GOLGA6L9: variants seen among roughly 807,000 people sequenced by gnomAD.
GOLGA6L9 encodes the protein golgin A6 family like 9.
In GOLGA6L9, 19 loss-of-function variants were observed where a neutral mutation model predicts 51.3. That is an observed-to-expected ratio of 0.37 (90% CI 0.26 to 0.54). The LOEUF (loss-of-function observed/expected upper bound fraction) is 0.54, where lower values mean the gene tolerates loss of function less well. Among genes scored for constraint, GOLGA6L9 ranks in the 20% least tolerant of loss-of-function variants. GOLGA6L9 has a pLI of 0.83. For missense variants in GOLGA6L9, 247 were observed against 464.1 expected, an observed-to-expected ratio of 0.53 and a Z score of 4.30; for synonymous variants, 97 against 184.2, an observed-to-expected ratio of 0.53 and a Z score of 3.83.
chr15:82,434,206 T>G lies in GOLGA6L9; in HGVS notation c.606T>G (p.Arg202=). ...LLNRRQEERL[R]EQEERLREQE... ...ACAGGAGACAGGAGGAGAGGCTACG[T>G]GAACAGGAGGAGAGGCTACGTGAAC... is the stretch of plus-strand genomic sequence containing the variant. The change falls in exon 6 of 9, where the codon CGT becomes CGG. Residue 202 remains arginine, a synonymous_variant. Transcript: ENST00000618348. The G allele has an allele frequency of 6.4e-7, 1 of 1,557,284 alleles. No individual in the cohort carries two copies. The highest frequency in any genetic ancestry group is 8.6e-7 in the Non-Finnish European group (1 of 1,159,456).
At chr15:82,433,322 T>A (rs1292547571) in intron 4 of GOLGA6L9, among the ~76,000 whole-genome samples, 4 of 151,916 alleles carry the variant, frequency 2.6e-5, no homozygotes, top group Admixed American at 6.6e-5. Context: ...AAGTCAGAGA[T>A]TTAAAGGCCC....
Position 82,432,840 on chromosome 15 carries a change from A to T in GOLGA6L9, c.288A>T (p.Val96=), listed in dbSNP as rs1250754490. Residue 96 remains valine, a synonymous_variant, in exon 4 of 9, where the codon GTA becomes GTT. Transcript: ENST00000618348. ...DLESQYQELA[V]ALDSSSAIIS... ...AGAGCCAGTACCAAGAACTAGCAGT[A>T]GCCCTGGATTCAAGCTCCGCAATAA... is the stretch of plus-strand genomic sequence containing the variant. 1.3e-5 allele frequency: 21 copies of T among 1,612,194 alleles called. No homozygotes were observed. The African/African-American group carries it at 2.1e-4, about 16-fold the overall frequency.
At chr15:82,427,463 T>C (rs1281039408), upstream of GOLGA6L9, among the ~76,000 whole-genome samples, 42 of 151,842 alleles carry the variant, frequency 2.8e-4, no homozygotes, top group Non-Finnish European at 2.8e-4. Context: ...CAAAGTCACA[T>C]TTCACTTAAT....
At chr15:82,424,655 A>G in the GOLGA6L9 span, among the ~76,000 whole-genome samples, 1 of 151,756 alleles carries the variant, frequency 6.6e-6, no homozygotes, top group Admixed American at 6.6e-5. Flanking sequence ...TGGAAGTTTT[A>G]GGGAAAACAC....
chr15:82,417,994 A>G, the GOLGA6L9 span, among the ~76,000 whole-genome samples: 1 of 152,198 alleles, frequency 6.6e-6, no homozygotes, highest in Non-Finnish European at 1.5e-5. Context: ...AATTTTTCGG[A>G]GAGTTTTTCT....
At chr15:82,420,111 T>A in the GOLGA6L9 span, 2 of 308,790 alleles carry the variant, frequency 6.5e-6, no homozygotes, top group Non-Finnish European at 1.3e-5. Context: ...AACCATAAGA[T>A]ATATTTTATG....
the GOLGA6L9 span, among the ~76,000 whole-genome samples, chr15:82,418,293 G>C: frequency 6.6e-6 from 1 of 152,200 alleles, no homozygotes; most frequent in East Asian, 1.9e-4. Context: ...GTCTTGGCAA[G>C]TCTTCTGGGG....
chr15:82,416,299 A>C, the GOLGA6L9 span, among the ~76,000 whole-genome samples: 1 of 152,190 alleles, frequency 6.6e-6, no homozygotes, highest in East Asian at 1.9e-4. Context: ...TTGTACTCAA[A>C]CAGTTCTGTG....
At chr15:82,427,477 T>C (rs2031235030), upstream of GOLGA6L9, among the ~76,000 whole-genome samples, 1 of 152,202 alleles carries the variant, frequency 6.6e-6, no homozygotes. Context: ...ACTTAATTTT[T>C]ATCCTGCCAA....
At chr15:82,419,354 T>TG in the GOLGA6L9 span, 1 of 154,472 alleles carries the variant, frequency 6.5e-6, no homozygotes, top group East Asian at 1.9e-4. Context: ...TAGTGTTTTT[T>TG]TTTTTTTTCG....
rs1212780217 is a variant in GOLGA6L9, at chr15:82,437,851, C to CT, written c.*1441dup. On this transcript the variant is annotated 3_prime_UTR_variant, in exon 9 of 9. Transcript: ENST00000618348. ...TGTCAAAGTGTCATGAGGAAAGTGT[C>CT]TATACAATCACAGAGTTATATTTCC... 1.3e-5 allele frequency: 2 copies of CT among 151,192 alleles called. No individual in the cohort carries two copies. Among genetic ancestry groups the CT allele is most frequent in the Non-Finnish European group, 2.9e-5 (2 of 67,810 alleles). The allele number at this position is 151,192 out of a possible 1,614,324, so 9.4% of individuals were successfully genotyped here.
Position 82,429,895 on chromosome 15 carries a change from A to T in GOLGA6L9, c.-185A>T. 1 of 778,716 alleles carries T rather than the reference A, an allele frequency of 1.3e-6. No individual in the cohort carries two copies. The highest frequency in any genetic ancestry group is 2.4e-5 in the East Asian group (1 of 41,174). The allele number at this position is 778,716 out of a possible 1,614,324, so 48.2% of individuals were successfully genotyped here. A position where few individuals can be genotyped will look rare whatever the true frequency, so the allele number is the denominator to read the frequency against. On this transcript the variant is annotated 5_prime_UTR_variant, in exon 1 of 9. It removes an upstream start codon present in the reference 5' UTR. Transcript: ENST00000618348. ...TATGATGCTACAGGTCCCTCTGGAC[A>T]TGCTGCGCCTGGCCACGCCTCCTTT...
chr15:82,418,881 A>T, the GOLGA6L9 span: 3 of 152,270 alleles, frequency 2.0e-5, no homozygotes, highest in African/African-American at 7.2e-5. Flanking sequence ...CTCAAATGCC[A>T]TTTAAGGAAA....
rs2031419690 is a variant in GOLGA6L9 at position 82,431,952 on chromosome 15, G to C, written c.204+3G>C. ...GTGGTTACCACTCACCTGGGGATGT[G>C]AGTCTCGGCGGGCCAGGCTCCTGGG... On this transcript the variant is annotated splice_donor_region_variant and intron_variant, in intron 2 of 8. Coordinates refer to ENST00000618348, the MANE Select transcript of GOLGA6L9 (RefSeq NM_198181.4). The C allele has an allele frequency of 8.1e-6, 11 of 1,351,874 alleles. 2 individuals are homozygous for C. The highest frequency in any genetic ancestry group is 1.1e-5 in the Non-Finnish European group (11 of 1,021,844). 83.7% of individuals were successfully genotyped at this position (1,351,874 alleles called of 1,614,324 possible).
chr15:82,432,726 C>T, intron 3 of GOLGA6L9, 91 bp from the exon 4 acceptor site: 2 of 1,583,534 alleles, frequency 1.3e-6, no homozygotes, highest in East Asian at 2.3e-5. Flanking sequence ...CCAGCTGAGG[C>T]AGCCCACACA....
Position 82,432,829 on chromosome 15 carries a change from G to C in GOLGA6L9, c.277G>C (p.Glu93Gln). Reference protein sequence around the residue: ...TLQDLESQYQELAVALDSSSA... With the variant: ...TLQDLESQYQQLAVALDSSSA... The stretch of plus-strand genomic sequence containing the variant: ...GCATGCACCTCAGAGCCAGTACCAA[G>C]AACTAGCAGTAGCCCTGGATTCAAG... Residue 93 changes from glutamate (E) to glutamine (Q), a missense_variant, in exon 4 of 9, where the codon GAA (glutamate) becomes CAA (glutamine). By Grantham distance (29) the Glu-to-Gln change is conservative. Coordinates refer to ENST00000618348, the MANE Select transcript of GOLGA6L9 (RefSeq NM_198181.4). 6.2e-7 allele frequency: 1 copy of C among 1,612,412 alleles called. No individual in the cohort carries two copies. Among genetic ancestry groups the C allele is most frequent in the Non-Finnish European group, 8.5e-7 (1 of 1,179,770 alleles).
chr15:82,429,138 G>C (rs1313581332), upstream of GOLGA6L9, among the ~76,000 whole-genome samples: 3 of 151,440 alleles, frequency 2.0e-5, no homozygotes, highest in Non-Finnish European at 2.9e-5. Flanking sequence ...GCAGTGGCAT[G>C]AGCTTGGCTC....
At position 82,436,611 on chromosome 15, in the gene GOLGA6L9, T is replaced by G. The variant is rs1373860147; in HGVS notation, c.*200T>G. The G allele has an allele frequency of 3.7e-6, 2 of 541,794 alleles. No individual in the cohort carries two copies. Among genetic ancestry groups the G allele is most frequent in the Non-Finnish European group, 5.8e-6 (2 of 345,432 alleles). The allele number at this position is 541,794 out of a possible 1,614,324, so 33.6% of individuals were successfully genotyped here. On this transcript the variant is annotated 3_prime_UTR_variant, in exon 9 of 9. Transcript: ENST00000618348. ...GTTTAAATTTATTTGTGTTTCTAAT[T>G]TATAGTTTAAATTTATTTTTGTTTC...
intron 4 of GOLGA6L9, among the ~76,000 whole-genome samples, chr15:82,433,304 A>C (rs1185085032): frequency 6.6e-6 from 1 of 151,970 alleles, no homozygotes; most frequent in Non-Finnish European, 1.5e-5. Context: ...GGTCTCGGTT[A>C]GCTCTGAAAG....
Sources: gnomAD v4.1 joint callset for allele counts (sites outside exome capture counted in the v4.1 genomes callset) on GRCh38, gnomAD v4.1.1 for gene constraint, MANE v1.5 for transcripts, NCBI Gene and HGNC (gene_info 2026-07-23, HGNC 2026-07-21) for gene names.